Variants in NHSL1 observed in about 807,000 individuals in gnomAD.
NHSL1 encodes the protein NHS-like protein 1.
NHSL1 carries 48 observed loss-of-function variants against 95.0 expected under a neutral mutation model. The ratio of observed to expected loss-of-function variants is 0.51; its 90% CI spans 0.40 to 0.64. The LOEUF is 0.64. Ranked by LOEUF, NHSL1 falls within the 30% of genes least tolerant of loss-of-function variation. The pLI is 0.00. For synonymous variants in NHSL1, 783 were observed against 833.9 expected (o/e 0.94, Z 1.05); for missense variants, 1,971 against 2,077.7 (o/e 0.95, Z 1.00).
In NHSL1 at chr6:138,441,133, G is replaced by A. The variant is rs559741522; in HGVS notation, c.664+850C>T. ...ACATCACCAAGCCCGTTTGTTAAAT[G>A]AGGAAGTAGACTCAGAGAGACGAAG... On this transcript the variant is annotated intron_variant, in intron 5 of 7. Coordinates refer to ENST00000343505, the MANE Select transcript of NHSL1 (RefSeq NM_001144060.2). 4.6e-5 allele frequency among the ~76,000 whole-genome samples: 7 copies of A among 152,334 alleles called. No individual in the cohort carries two copies. The South Asian group carries it at 1.2e-3, about 27-fold the overall frequency.
At chr6:138,450,658 C>A (rs146618047) in intron 3 of NHSL1, among the ~76,000 whole-genome samples, 142 of 152,320 alleles carry the variant, frequency 9.3e-4, no homozygotes, top group Admixed American at 3.3e-3. Context: ...TCCAGCATGA[C>A]AACTGACAAA....
upstream of NHSL1, among the ~76,000 whole-genome samples, chr6:138,575,087 C>T (rs554791206): frequency 5.9e-5 from 9 of 151,988 alleles, no homozygotes; most frequent in East Asian, 3.9e-4. Flanking sequence ...TTAGTAGAGA[C>T]GGGGTTTCTC....
At chr6:138,556,850 G>A (rs1334143616) in intron 1 of NHSL1, among the ~76,000 whole-genome samples, 2 of 151,888 alleles carry the variant, frequency 1.3e-5, no homozygotes, top group Admixed American at 1.3e-4. Flanking sequence ...TAAATATAGA[G>A]GATACAAACA....
At chr6:138,482,269 C>A (rs914872260) in intron 2 of NHSL1, among the ~76,000 whole-genome samples, 4 of 152,028 alleles carry the variant, frequency 2.6e-5, no homozygotes, top group Admixed American at 6.5e-5. Context: ...AACATGGTGA[C>A]ACTCCATCTC....
intron 1 of NHSL1, among the ~76,000 whole-genome samples, chr6:138,649,450 AT>A (rs11285498): frequency 0.046 from 6,725 of 146,638 alleles, 398 homozygotes; most frequent in African/African-American, 0.14. Context: ...AGGGAATTCT[AT>A]TTTTTTTTTC....
chr6:138,494,735 A>G lies in NHSL1; in HGVS notation c.211+1484T>C, dbSNP rs1318906598. ...CCCAGTTAAATTACATTTCAGATAAATAACAAATACTTCTTTGGTATACTA... is the reference window on the plus strand; with the variant it reads ...CCCAGTTAAATTACATTTCAGATAAGTAACAAATACTTCTTTGGTATACTA... On this transcript the variant is annotated intron_variant, in intron 2 of 7. Transcript: ENST00000343505. Among the ~76,000 whole-genome samples, 7 of 152,226 alleles carry G rather than the reference A, an allele frequency of 4.6e-5. No individual in the cohort carries two copies. In the East Asian group the frequency reaches 1.3e-3, roughly 29 times the overall value.
intron 1 of NHSL1, among the ~76,000 whole-genome samples, chr6:138,655,141 C>A (rs1412167350): frequency 6.6e-6 from 1 of 152,184 alleles, no homozygotes; most frequent in Admixed American, 6.5e-5. Context: ...TTAACATGTT[C>A]TAATGACATC....
At chr6:138,554,289 T>G (rs4498379) in intron 1 of NHSL1, among the ~76,000 whole-genome samples, 1 of 152,084 alleles carries the variant, frequency 6.6e-6, no homozygotes, top group African/African-American at 2.4e-5. Context: ...TGACTTGCAA[T>G]GTATACAGAT....
At chr6:138,612,306 T>G (rs1053472154) in intron 1 of NHSL1, among the ~76,000 whole-genome samples, 25 of 152,080 alleles carry the variant, frequency 1.6e-4, no homozygotes, top group African/African-American at 6.0e-4. Context: ...ACAGAAACAC[T>G]AATACAAGAA....
chr6:138,584,775 C>T lies in NHSL1; in HGVS notation c.97-88404G>A, dbSNP rs562625536. ...AAGTACCTCTACAAAGTAAACACCA[C>T]GCCCTTTCCACTGATGGCAGACTGA... On this transcript the variant is annotated intron_variant, in intron 1 of 3. Transcript: ENST00000491526. Among the ~76,000 whole-genome samples the T allele has an allele frequency of 3.3e-5, 5 of 152,336 alleles. No homozygotes were observed. In the South Asian group the frequency reaches 6.2e-4, roughly 19 times the overall value.
chr6:138,541,922 C>G (rs1269996958), intron 1 of NHSL1, among the ~76,000 whole-genome samples: 1 of 152,198 alleles, frequency 6.6e-6, no homozygotes, highest in East Asian at 1.9e-4. Flanking sequence ...AACACACTTC[C>G]CATGCAGCTG....
chr6:138,448,379 G>A (rs1215316166), intron 3 of NHSL1, among the ~76,000 whole-genome samples: 4 of 152,130 alleles, frequency 2.6e-5, no homozygotes, highest in Admixed American at 1.3e-4. Context: ...CTTTAAGTCC[G>A]AAGCATTTAA....
At chr6:138,677,959 C>A (rs781089607) in intron 1 of NHSL1, among the ~76,000 whole-genome samples, 1 of 152,174 alleles carries the variant, frequency 6.6e-6, no homozygotes, top group Non-Finnish European at 1.5e-5. Flanking sequence ...TCACCATTCT[C>A]TAGGCTGGTG....
intron 1 of NHSL1, among the ~76,000 whole-genome samples, chr6:138,567,845 A>G (rs1783677136): frequency 6.6e-6 from 1 of 152,202 alleles, no homozygotes; most frequent in African/African-American, 2.4e-5. Flanking sequence ...AGGATGAAAC[A>G]TTGTTCAAAG....
exon 1 of NHSL1, chr6:138,571,828 G>C (rs1009507693): frequency 8.4e-6 from 13 of 1,551,940 alleles, no homozygotes; most frequent in Non-Finnish European, 1.1e-5. Context: ...ACAAGGAGGA[G>C]AAATTTATCC....
intron 3 of NHSL1, among the ~76,000 whole-genome samples, chr6:138,447,895 C>T (rs1298322905): frequency 6.6e-6 from 1 of 152,160 alleles, no homozygotes; most frequent in Non-Finnish European, 1.5e-5. Context: ...AAAGTAATTT[C>T]TAGCCTCAAT....
intron 1 of NHSL1, among the ~76,000 whole-genome samples, chr6:138,601,108 A>G (rs2114560486): frequency 6.6e-6 from 1 of 152,368 alleles, no homozygotes; most frequent in Admixed American, 6.5e-5. Context: ...CTGGAAAGAA[A>G]TGAACATAAA....
In NHSL1 at chr6:138,482,956, T is replaced by C. The variant is rs1292618473; in HGVS notation, c.212-9523A>G. Among the ~76,000 whole-genome samples the C allele has an allele frequency of 5.9e-5, 9 of 152,328 alleles. 2 individuals carry two copies. The highest frequency in any genetic ancestry group is 5.9e-4 in the Admixed American group (9 of 15,292). ...GGAGGGCTTGTTATAAAAATACTGC[T>C]GAGTCCACTCCCATATCTGATTCAG... On this transcript the variant is annotated intron_variant, in intron 2 of 7. Coordinates refer to ENST00000343505, the MANE Select transcript of NHSL1 (RefSeq NM_001144060.2).
chr6:138,455,494 G>A (rs2149581), intron 3 of NHSL1, among the ~76,000 whole-genome samples: 6,222 of 77,788 alleles, frequency 0.08, 326 homozygotes, highest in African/African-American at 0.2. Context: ...TCCCTGCAAG[G>A]AGCCCCGCCT....
Sources: gnomAD v4.1 joint callset for allele counts (sites outside exome capture counted in the v4.1 genomes callset) on GRCh38, gnomAD v4.1.1 for gene constraint, MANE v1.5 for transcripts, NCBI Gene and HGNC (gene_info 2026-07-23, HGNC 2026-07-21) for gene names.